The following GMDS variants were observed in gnomAD, a reference collection of about 807,000 sequenced individuals.
The protein encoded by GMDS is GDP-mannose 4,6 dehydratase.
Under a neutral mutation model 49.9 loss-of-function variants are expected in GMDS, and 20 were observed. The ratio of observed to expected loss-of-function variants is 0.40; its 90% CI spans 0.28 to 0.58. GMDS has a LOEUF of 0.58. GMDS is among the 20% of genes least tolerant of loss of function. The pLI is 0.42. For missense variants in GMDS, 362 were observed against 481.4 expected, an observed-to-expected ratio of 0.75 and a Z score of 2.32; for synonymous variants, 177 against 178.6, an observed-to-expected ratio of 0.99 and a Z score of 0.07.
intron 4 of GMDS, among the ~76,000 whole-genome samples, chr6:1,983,361 A>T (rs1392840340): frequency 1.3e-5 from 2 of 152,308 alleles, no homozygotes; most frequent in Non-Finnish European, 2.9e-5. Flanking sequence ...ATTGCAACAA[A>T]AGCAAAAGTT....
chr6:2,181,525 C>T (rs1778530662), intron 1 of GMDS, among the ~76,000 whole-genome samples: 1 of 152,090 alleles, frequency 6.6e-6, no homozygotes, highest in Admixed American at 6.5e-5. Flanking sequence ...TTGTGGCAAT[C>T]CTGTGTCATA....
chr6:1,913,779 C>T (rs1022335840), intron 7 of GMDS, among the ~76,000 whole-genome samples: 4 of 152,054 alleles, frequency 2.6e-5, no homozygotes, highest in Non-Finnish European at 5.9e-5. Flanking sequence ...GGAAACGAAG[C>T]CAGATGGTTC....
intron 1 of GMDS, among the ~76,000 whole-genome samples, chr6:2,207,510 T>C (rs1024870741): frequency 1.1e-4 from 16 of 152,000 alleles, no homozygotes; most frequent in African/African-American, 3.9e-4. Context: ...TGGTTGTCCA[T>C]GCCACAATGA....
chr6:2,244,323 TGAG>T (rs1781757747), intron 1 of GMDS, among the ~76,000 whole-genome samples: 2 of 152,170 alleles, frequency 1.3e-5, no homozygotes, highest in African/African-American at 2.4e-5. Flanking sequence ...GAGTTTGTTA[TGAG>T]AACTAAATGA....
At chr6:2,243,911 G>A (rs1178954961) in intron 1 of GMDS, among the ~76,000 whole-genome samples, 1 of 118,558 alleles carries the variant, frequency 8.4e-6, no homozygotes, top group East Asian at 3.0e-4. Flanking sequence ...CCAGGCTGGA[G>A]TACAGTGGTA....
intron 4 of GMDS, among the ~76,000 whole-genome samples, chr6:2,088,747 T>C (rs891718513): frequency 7.3e-5 from 11 of 151,666 alleles, no homozygotes; most frequent in African/African-American, 2.7e-4. Context: ...ATGGTTTATG[T>C]TGGCACCACT....
chr6:2,112,817 G>A (rs781555665), intron 4 of GMDS, among the ~76,000 whole-genome samples: 1 of 151,930 alleles, frequency 6.6e-6, no homozygotes, highest in Non-Finnish European at 1.5e-5. Context: ...TGCTTGCAAT[G>A]ACCCAATTTC....
chr6:1,722,257 A>ATTATTT (rs1395751269), intron 9 of GMDS, among the ~76,000 whole-genome samples: 1 of 117,126 alleles, frequency 8.5e-6, no homozygotes, highest in South Asian at 3.0e-4. Flanking sequence ...TAGTAGTAGT[A>ATTATTT]GTAGTATTTT....
At chr6:2,001,793 T>C (rs1317977683) in intron 4 of GMDS, among the ~76,000 whole-genome samples, 5 of 151,980 alleles carry the variant, frequency 3.3e-5, no homozygotes, top group Non-Finnish European at 5.9e-5. Context: ...TGGGAAAGAG[T>C]AGTCTTTTCA....
intron 8 of GMDS, among the ~76,000 whole-genome samples, chr6:1,727,313 T>G (rs913902762): frequency 3.3e-5 from 5 of 152,240 alleles, no homozygotes; most frequent in African/African-American, 1.2e-4. Context: ...TCGCTAAAAT[T>G]CTACTTATCC....
intron 2 of GMDS, among the ~76,000 whole-genome samples, chr6:2,120,722 A>G (rs1169578486): frequency 2.0e-5 from 3 of 152,204 alleles, no homozygotes; most frequent in African/African-American, 7.2e-5. Context: ...CTGGAAACAC[A>G]CTTAGAACTA....
intron 7 of GMDS, among the ~76,000 whole-genome samples, chr6:1,786,011 T>C (rs80319078): frequency 0.02 from 3,092 of 152,288 alleles, 108 homozygotes; most frequent in African/African-American, 0.07. Flanking sequence ...AGTGAGATGT[T>C]AAATATGACA....
chr6:1,669,353 T>C (rs994576381), intron 9 of GMDS, among the ~76,000 whole-genome samples: 1 of 152,062 alleles, frequency 6.6e-6, no homozygotes, highest in African/African-American at 2.4e-5. Context: ...GAGTCTACAC[T>C]CTGGAGGCAC....
chr6:2,159,235 G>T (rs947080513), intron 1 of GMDS, among the ~76,000 whole-genome samples: 3 of 151,986 alleles, frequency 2.0e-5, no homozygotes, highest in African/African-American at 7.3e-5. Flanking sequence ...GAGACAGAGG[G>T]GTACCGACCT....
At position 2,159,197 on chromosome 6, in the gene GMDS, G is replaced by C. The variant is rs115470960; in HGVS notation, c.103-34466C>G. On this transcript the variant is annotated intron_variant, in intron 1 of 10. Coordinates refer to ENST00000380815, the MANE Select transcript of GMDS (RefSeq NM_001500.4). ...TTTTTAAAAATTCCTTCTACGTATA[G>C]TTGACCCTTGAACAATGTGAGGGGG... Among the ~76,000 whole-genome samples, 865 of 152,232 alleles carry C rather than the reference G, an allele frequency of 5.7e-3. 2 individuals are homozygous for C. Among genetic ancestry groups the C allele is most frequent in the Middle Eastern group, 0.017 (5 of 294 alleles).
chr6:1,808,704 C>A (rs773735648), intron 7 of GMDS, among the ~76,000 whole-genome samples: 5 of 152,138 alleles, frequency 3.3e-5, no homozygotes, highest in Non-Finnish European at 5.9e-5. Flanking sequence ...CTAATGTTGC[C>A]ATTTAGAAAA....
chr6:1,688,467 C>A (rs9405502), intron 9 of GMDS, among the ~76,000 whole-genome samples: 52,610 of 152,064 alleles, frequency 0.35, 9,484 homozygotes, highest in East Asian at 0.49. Flanking sequence ...TCAAGCAACT[C>A]CAGTTCCCTC....
intron 6 of GMDS, among the ~76,000 whole-genome samples, chr6:1,941,021 A>G (rs1462660744): frequency 6.6e-6 from 1 of 151,984 alleles, no homozygotes; most frequent in Non-Finnish European, 1.5e-5. Context: ...GTTGAGAACC[A>G]TGGCCTTAGT....
intron 1 of GMDS, among the ~76,000 whole-genome samples, chr6:2,168,649 A>G (rs1777793529): frequency 6.6e-6 from 1 of 152,230 alleles, no homozygotes; most frequent in Non-Finnish European, 1.5e-5. Flanking sequence ...TTCTGAAGTT[A>G]AATGAATCAG....
Sources: allele counts gnomAD v4.1 joint callset (sites outside exome capture counted in the v4.1 genomes callset), GRCh38; gene constraint gnomAD v4.1.1; transcripts MANE v1.5; gene names NCBI Gene and HGNC (gene_info 2026-07-23, HGNC 2026-07-21).